GRIK2: variants seen among roughly 807,000 people sequenced by gnomAD.
GRIK2 encodes the protein glutamate ionotropic receptor kainate type subunit 2.
Under a neutral mutation model 100.3 loss-of-function variants are expected in GRIK2, and 32 were observed. The ratio of observed to expected loss-of-function variants is 0.32; its 90% CI spans 0.24 to 0.43. The LOEUF is 0.43. GRIK2 is among the 20% of genes least tolerant of loss of function. The pLI, the probability that GRIK2 is intolerant of heterozygous loss-of-function variation, is 1.00. For missense variants in GRIK2, 843 were observed against 1,114.9 expected (o/e 0.76, Z 3.47); for synonymous variants, 417 against 389.4 (o/e 1.07, Z -0.83).
chr6:101,627,666 A>G (rs1486771523), intron 4 of GRIK2, among the ~76,000 whole-genome samples: 1 of 152,204 alleles, frequency 6.6e-6, no homozygotes, highest in East Asian at 1.9e-4. Flanking sequence ...ACAATATAAT[A>G]TTCACTGAAA....
chr6:101,984,709 C>G (rs761413003), intron 14 of GRIK2, among the ~76,000 whole-genome samples: 1 of 150,082 alleles, frequency 6.7e-6, no homozygotes, highest in South Asian at 2.1e-4. Context: ...AAAGGCTGCT[C>G]TATTTCAGAA....
intron 7 of GRIK2, among the ~76,000 whole-genome samples, chr6:101,786,753 A>C (rs1379653866): frequency 6.6e-6 from 1 of 152,062 alleles, no homozygotes; most frequent in African/African-American, 2.4e-5. Flanking sequence ...GTGAACATAG[A>C]TACAAAACAT....
intron 7 of GRIK2, among the ~76,000 whole-genome samples, chr6:101,719,033 G>C (rs558581737): frequency 1.1e-4 from 16 of 150,724 alleles, no homozygotes; most frequent in Admixed American, 5.3e-4. Context: ...TCAAATCCAA[G>C]GTTTTCTTAC....
chr6:101,656,491 A>G (rs1482191096), intron 4 of GRIK2, among the ~76,000 whole-genome samples: 1 of 152,176 alleles, frequency 6.6e-6, no homozygotes, highest in Non-Finnish European at 1.5e-5. Flanking sequence ...AGCAAATAGG[A>G]TAATTCTACT....
intron 12 of GRIK2, chr6:101,890,170 T>A: frequency 4.5e-6 from 1 of 220,792 alleles, no homozygotes. Context: ...CGAAGATTTC[T>A]GAAGAACCAA....
intron 4 of GRIK2, among the ~76,000 whole-genome samples, chr6:101,641,890 G>A (rs1781291139): frequency 6.6e-6 from 1 of 151,954 alleles, no homozygotes; most frequent in South Asian, 2.1e-4. Flanking sequence ...TTTCTTTTAT[G>A]TGGGGTAGAG....
chr6:101,690,205 CTTAAT>C (rs1217375151), intron 7 of GRIK2, among the ~76,000 whole-genome samples: 1 of 152,036 alleles, frequency 6.6e-6, no homozygotes, highest in African/African-American at 2.4e-5. Flanking sequence ...CATTCAGTAG[CTTAAT>C]TTAATTATCA....
At chr6:101,608,827 G>GTGTA (rs1562258550) in intron 2 of GRIK2, among the ~76,000 whole-genome samples, 2 of 72,092 alleles carry the variant, frequency 2.8e-5, no homozygotes, top group African/African-American at 1.2e-4. Flanking sequence ...GTATGTATGT[G>GTGTA]TGTGTGTGTC....
intron 2 of GRIK2, among the ~76,000 whole-genome samples, chr6:101,431,926 A>G (rs1388988256): frequency 6.6e-6 from 1 of 152,158 alleles, no homozygotes. Flanking sequence ...CTAACACTCC[A>G]TGAGATGTGT....
chr6:101,813,745 C>T (rs2895460), intron 9 of GRIK2, among the ~76,000 whole-genome samples: 13,470 of 152,000 alleles, frequency 0.089, 1,610 homozygotes, highest in African/African-American at 0.28. Context: ...AGGCAGATCA[C>T]CTGAGGTCAG....
At chr6:101,603,226 A>G (rs906551953) in intron 2 of GRIK2, among the ~76,000 whole-genome samples, 1 of 151,726 alleles carries the variant, frequency 6.6e-6, no homozygotes, top group Non-Finnish European at 1.5e-5. Context: ...ATACAGTAGA[A>G]TTTCACAAGT....
intron 14 of GRIK2, among the ~76,000 whole-genome samples, chr6:101,977,210 T>C (rs917769770): frequency 6.7e-6 from 1 of 149,916 alleles, no homozygotes; most frequent in Non-Finnish European, 1.5e-5. Context: ...TAGAATGTAG[T>C]ATATACCTAT....
chr6:102,026,111 CATATATATAT>C (rs6149730), intron 14 of GRIK2, among the ~76,000 whole-genome samples: 4,681 of 100,066 alleles, frequency 0.047, 123 homozygotes, highest in Admixed American at 0.059. Context: ...TATACACTTA[CATATATATAT>C]ATATATATAT....
chr6:101,614,678 T>C (rs1219648830), intron 2 of GRIK2, among the ~76,000 whole-genome samples: 1 of 151,778 alleles, frequency 6.6e-6, no homozygotes, highest in Non-Finnish European at 1.5e-5. Context: ...TGCAATTGTT[T>C]AGACAGGAAA....
At chr6:101,795,225 A>G (rs1416114511) in intron 7 of GRIK2, among the ~76,000 whole-genome samples, 1 of 152,050 alleles carries the variant, frequency 6.6e-6, no homozygotes, top group Admixed American at 6.6e-5. Flanking sequence ...CTATGGATTT[A>G]TCTATGGTAT....
chr6:101,875,298 A>G (rs2128450491), intron 11 of GRIK2, among the ~76,000 whole-genome samples: 1 of 151,806 alleles, frequency 6.6e-6, no homozygotes, highest in African/African-American at 2.4e-5. Flanking sequence ...CAAGGACAAA[A>G]CCTCAATAAG....
At chr6:101,773,554 T>C (rs1778546225) in intron 7 of GRIK2, among the ~76,000 whole-genome samples, 2 of 151,628 alleles carry the variant, frequency 1.3e-5, no homozygotes, top group Non-Finnish European at 2.9e-5. Context: ...AGGTACACTA[T>C]AAATATGAGT....
chr6:101,748,738 T>C (rs1013688476), intron 7 of GRIK2, among the ~76,000 whole-genome samples: 5 of 152,150 alleles, frequency 3.3e-5, no homozygotes, highest in Admixed American at 2.6e-4. Flanking sequence ...AGCAGTTTGA[T>C]TGACTATCAC....
chr6:101,528,184 C>T lies in GRIK2; in HGVS notation c.116-93765C>T, dbSNP rs547645394. On this transcript the variant is annotated intron_variant, in intron 2 of 16. Transcript: ENST00000369134. ...TAGACTGGTGCTGGCACTAAGCAAG[C>T]ATCTAGTAAATATTAGCTATTATCA... Among the ~76,000 whole-genome samples, 14 of 152,250 alleles carry T rather than the reference C, an allele frequency of 9.2e-5. 1 individual carries two copies. Among genetic ancestry groups the T allele is most frequent in the Admixed American group, 9.2e-4 (14 of 15,284 alleles).
Sources: gnomAD v4.1 joint callset for allele counts (sites outside exome capture counted in the v4.1 genomes callset) on GRCh38, gnomAD v4.1.1 for gene constraint, MANE v1.5 for transcripts, NCBI Gene and HGNC (gene_info 2026-07-23, HGNC 2026-07-21) for gene names.